Variants in HSD17B2 observed in about 807,000 individuals in gnomAD.
HSD17B2 encodes the protein 17-beta-hydroxysteroid dehydrogenase type 2.
A neutral mutation model predicts 26.9 loss-of-function variants in HSD17B2; 32 were observed. The ratio of observed to expected loss-of-function variants is 1.19; its 90% CI spans 0.90 to 1.60. The LOEUF (loss-of-function observed/expected upper bound fraction) is 1.60, where lower values mean the gene tolerates loss of function less well. Among genes scored for constraint, HSD17B2 ranks in the 40% most tolerant of loss-of-function variants. The pLI, the probability that HSD17B2 is intolerant of heterozygous loss-of-function variation, is 0.00. For missense variants in HSD17B2, 613 were observed against 468.6 expected (o/e 1.31, Z -2.85); for synonymous variants, 246 against 186.7 (o/e 1.32, Z -2.59).
At chr16:82,070,750 C>T in intron 2 of HSD17B2, 192 bp from the exon 3 acceptor site, 1 of 591,780 alleles carries the variant, frequency 1.7e-6, no homozygotes. Flanking sequence ...CATCTAGCTT[C>T]CTGTTACAGG....
chr16:82,086,944 G>C (rs1292474489), intron 3 of HSD17B2, among the ~76,000 whole-genome samples: 1 of 152,228 alleles, frequency 6.6e-6, no homozygotes, highest in Non-Finnish European at 1.5e-5. Flanking sequence ...TGTTCAAGGA[G>C]AGAGTGTGAG....
chr16:82,048,007 T>C (rs1446764480), intron 1 of HSD17B2, among the ~76,000 whole-genome samples: 2 of 152,208 alleles, frequency 1.3e-5, no homozygotes, highest in South Asian at 2.1e-4. Flanking sequence ...ATATTATATC[T>C]TTTGTTTGAG....
At chr16:82,063,523 T>C (rs1914499938) in intron 1 of HSD17B2, among the ~76,000 whole-genome samples, 1 of 152,156 alleles carries the variant, frequency 6.6e-6, no homozygotes, top group South Asian at 2.1e-4. Flanking sequence ...CCCGTGATCT[T>C]TGGCTTCATT....
intron 2 of HSD17B2, among the ~76,000 whole-genome samples, chr16:82,068,677 C>A (rs559093084): frequency 2.0e-5 from 3 of 152,146 alleles, no homozygotes; most frequent in Non-Finnish European, 4.4e-5. Flanking sequence ...CTTTTCTGTC[C>A]GCAATAGCAA....
chr16:82,084,545 CTTTTT>C (rs1904468911), intron 3 of HSD17B2, among the ~76,000 whole-genome samples: 1 of 145,788 alleles, frequency 6.9e-6, no homozygotes, highest in Non-Finnish European at 1.5e-5. Flanking sequence ...TCAAACTGTT[CTTTTT>C]ATTATTATTT....
intron 1 of HSD17B2, among the ~76,000 whole-genome samples, chr16:82,062,057 A>T (rs149882493): frequency 6.6e-6 from 1 of 152,358 alleles, no homozygotes; most frequent in East Asian, 1.9e-4. Flanking sequence ...GTTTCCGTTC[A>T]CCAGCTAATA....
At chr16:82,094,522 G>C (rs925853484) in intron 4 of HSD17B2, 2 of 152,176 alleles carry the variant, frequency 1.3e-5, no homozygotes, top group African/African-American at 4.8e-5. Context: ...CAGATCCTGA[G>C]ATGCAGTGCC....
chr16:82,096,067 T>G lies in HSD17B2; in HGVS notation c.803-2008T>G, dbSNP rs956202242. 3.3e-5 allele frequency: 5 copies of G among 152,144 alleles called. No homozygotes were observed. The East Asian group carries it at 9.6e-4, about 29-fold the overall frequency. The allele number at this position is 152,144 out of a possible 1,614,324, so 9.4% of individuals were successfully genotyped here. A position where few individuals can be genotyped will look rare whatever the true frequency, so the allele number is the denominator to read the frequency against. ...TTTAATTTTATATGATAAGCAGGTA[T>G]TGTCTTTATTTTAAAAATATATTTA... is the stretch of plus-strand genomic sequence containing the variant. On this transcript the variant is annotated intron_variant, in intron 4 of 4. Coordinates refer to ENST00000199936, the MANE Select transcript of HSD17B2 (RefSeq NM_002153.3).
intron 1 of HSD17B2, among the ~76,000 whole-genome samples, chr16:82,043,334 G>C (rs932094284): frequency 2.0e-5 from 3 of 152,116 alleles, no homozygotes; most frequent in Non-Finnish European, 2.9e-5. Context: ...TGTGATATTG[G>C]GGGGAAAGGG....
At chr16:82,039,803 G>A (rs1451048325) in intron 1 of HSD17B2, among the ~76,000 whole-genome samples, 22 of 152,124 alleles carry the variant, frequency 1.4e-4, no homozygotes, top group Admixed American at 1.4e-3. Flanking sequence ...GTACAGAGCA[G>A]ACACCTCAGG....
chr16:82,089,140 C>T (rs1904611955), intron 3 of HSD17B2, among the ~76,000 whole-genome samples: 1 of 152,130 alleles, frequency 6.6e-6, no homozygotes, highest in African/African-American at 2.4e-5. Flanking sequence ...AGCACCCCCA[C>T]CCTTCAGGTA....
Position 82,068,261 on chromosome 16 carries a change from A to G in HSD17B2, c.357A>G (p.Pro119=), listed in dbSNP as rs1285598648. The G allele has an allele frequency of 6.2e-7, 1 of 1,613,796 alleles. No homozygotes were observed. Among genetic ancestry groups the G allele is most frequent in the Admixed American group, 1.7e-5 (1 of 59,964 alleles). ...CCGGAGTTTTGAATGAAAATGGCCC[A>G]GGAGCTGAGGAATTGCGAAGAACCT... ...VFAGVLNENG[P]GAEELRRTCS... is the part of the protein sequence containing the mutation. The change falls in exon 2 of 5, where the codon CCA becomes CCG. Residue 119 remains proline (P), a synonymous_variant. Coordinates refer to ENST00000199936, the MANE Select transcript of HSD17B2 (RefSeq NM_002153.3).
chr16:82,095,171 C>T (rs1198540449), intron 4 of HSD17B2: 1 of 152,120 alleles, frequency 6.6e-6, no homozygotes, highest in African/African-American at 2.4e-5. Context: ...AGGTGTCAGC[C>T]CACGAAGACA....
At chr16:82,046,842 T>A (rs1913945326) in intron 1 of HSD17B2, among the ~76,000 whole-genome samples, 1 of 152,088 alleles carries the variant, frequency 6.6e-6, no homozygotes, top group African/African-American at 2.4e-5. Flanking sequence ...TTTTCAAGAG[T>A]TTACATAACT....
intron 1 of HSD17B2, among the ~76,000 whole-genome samples, chr16:82,043,009 G>T (rs1913809515): frequency 6.6e-6 from 1 of 152,248 alleles, no homozygotes; most frequent in Non-Finnish European, 1.5e-5. Context: ...TCTGGTTCCT[G>T]CAGAGAGGAG....
intron 2 of HSD17B2, among the ~76,000 whole-genome samples, chr16:82,068,644 A>G (rs1157841783): frequency 6.6e-6 from 1 of 152,156 alleles, no homozygotes; most frequent in Non-Finnish European, 1.5e-5. Flanking sequence ...CCCATGAATA[A>G]TTCCTCCAGC....
chr16:82,065,501 C>A (rs1914549851), intron 1 of HSD17B2, among the ~76,000 whole-genome samples: 1 of 152,216 alleles, frequency 6.6e-6, no homozygotes, highest in South Asian at 2.1e-4. Flanking sequence ...ATATATCTAG[C>A]TGTGCCAATA....
chr16:82,051,929 C>G (rs146989323), intron 1 of HSD17B2, among the ~76,000 whole-genome samples: 1 of 152,200 alleles, frequency 6.6e-6, no homozygotes. Context: ...CCAGACCCCA[C>G]GGGCTTTGGA....
intron 4 of HSD17B2, chr16:82,092,551 C>A (rs1936435257): frequency 6.6e-6 from 1 of 152,168 alleles, no homozygotes; most frequent in African/African-American, 2.4e-5. Flanking sequence ...GCTTGAAACA[C>A]TTGATAGCTG....
Sources: allele counts gnomAD v4.1 joint callset (sites outside exome capture counted in the v4.1 genomes callset), GRCh38; gene constraint gnomAD v4.1.1; transcripts MANE v1.5; gene names NCBI Gene and HGNC (gene_info 2026-07-23, HGNC 2026-07-21).